Variants in MTA1 observed in about 807,000 individuals in gnomAD.
The protein encoded by MTA1 is metastasis-associated protein MTA1.
MTA1 carries 15 observed loss-of-function variants against 97.0 expected under a neutral mutation model. That is an observed-to-expected ratio of 0.15 (90% confidence interval 0.10 to 0.24). The LOEUF is 0.24. Among genes scored for constraint, MTA1 ranks in the 10% least tolerant of loss-of-function variants. The pLI is 1.00. For synonymous variants in MTA1, 435 were observed against 417.5 expected, an observed-to-expected ratio of 1.04 and a Z score of -0.51; for missense variants, 709 against 1,015.1, an observed-to-expected ratio of 0.70 and a Z score of 4.10.
intron 9 of MTA1, 126 bp downstream of exon 9, chr14:105,460,583 C>T (rs2083312247): frequency 8.4e-7 from 1 of 1,186,560 alleles, no homozygotes; most frequent in South Asian, 1.6e-5. Flanking sequence ...GAGGTGCTGT[C>T]CCACCTGGAC....
In MTA1 at chr14:105,420,029, C is replaced by A; in HGVS notation, c.-7C>A. The A allele has an allele frequency of 1.9e-6, 2 of 1,078,346 alleles. No individual in the cohort carries two copies. The highest frequency in any genetic ancestry group is 2.3e-6 in the Non-Finnish European group (2 of 882,770). 66.8% of individuals were successfully genotyped at this position (1,078,346 alleles called of 1,614,324 possible). ...CCCCGGGCCCCTCCGCCGCCGCCGGCCCGGACATGGCCGCCAACATGTACA... is the reference window on the plus strand; with the variant it reads ...CCCCGGGCCCCTCCGCCGCCGCCGGACCGGACATGGCCGCCAACATGTACA... On this transcript the variant is annotated 5_prime_UTR_variant, in exon 1 of 21. Coordinates refer to ENST00000331320, the MANE Select transcript of MTA1 (RefSeq NM_004689.4). The surrounding 1 kb of genome is among the most constrained non-coding windows in gnomAD (Gnocchi z 5.3).
At chr14:105,428,994 G>A (rs6576092) in intron 1 of MTA1, among the ~76,000 whole-genome samples, 97,599 of 152,120 alleles carry the variant, frequency 0.64, 34,897 homozygotes, top group Non-Finnish European at 0.81. Context: ...AAAATGCTGG[G>A]ATTACAGGCA....
intron 18 of MTA1, 83 bp from the exon 19 acceptor site, chr14:105,469,384 A>C: frequency 6.7e-7 from 1 of 1,486,512 alleles, no homozygotes; most frequent in Non-Finnish European, 9.4e-7. Flanking sequence ...CCATTGTCCC[A>C]AGGTGGCTGA....
rs1254894049 is a variant in MTA1 at position 105,451,791 on chromosome 14, T to C, written c.432+1467T>C. ...TTTCTTTTTCTTTTTTTGTTTTTTT[T>C]TTTTTTTTTTTTTTTTGAGACAGAG... is the stretch of plus-strand genomic sequence containing the variant. On this transcript the variant is annotated intron_variant, in intron 6 of 20. Coordinates refer to ENST00000331320, the MANE Select transcript of MTA1 (RefSeq NM_004689.4). 9.1e-3 allele frequency among the ~76,000 whole-genome samples: 1,290 copies of C among 141,482 alleles called. 9 individuals are homozygous for C. The highest frequency in any genetic ancestry group is 0.025 in the East Asian group (122 of 4,854). 92.8% of individuals were successfully genotyped at this position (141,482 alleles called of 152,430 possible).
At chr14:105,460,322 G>C (rs1555430696) in intron 8 of MTA1, 36 bp from the exon 9 acceptor site, 1 of 1,564,646 alleles carries the variant, frequency 6.4e-7, no homozygotes, top group Admixed American at 1.9e-5. Context: ...GTCCCTGCTT[G>C]GCCGACACTG....
chr14:105,427,532 C>T (rs2082048878), intron 1 of MTA1, among the ~76,000 whole-genome samples: 1 of 152,228 alleles, frequency 6.6e-6, no homozygotes, highest in East Asian at 1.9e-4. Context: ...AGTTCTTTGA[C>T]AGAAACGTAA....
chr14:105,432,281 C>T (rs1399895491), intron 1 of MTA1, among the ~76,000 whole-genome samples: 1 of 152,164 alleles, frequency 6.6e-6, no homozygotes, highest in Non-Finnish European at 1.5e-5. Context: ...TGCTCTGTCA[C>T]CCAGGCTGGA....
In MTA1 at chr14:105,463,253, C is replaced by T. The variant is rs1555431471; in HGVS notation, c.1012C>T (p.Gln338Ter). 6.2e-7 allele frequency: 1 copy of T among 1,610,268 alleles called. No homozygotes were observed. The highest frequency in any genetic ancestry group is 8.5e-7 in the Non-Finnish European group (1 of 1,179,778). ...GTGGAAGACCACCGACAGATACGTG[C>T]AGCAGGTGAGCCCGCCCGCCACTCA... ...YMWKTTDRYVQQKRLKAAEAE... is the reference protein window; with the variant it reads ...YMWKTTDRYV The change falls in exon 11 of 21, where the codon CAG (glutamine) becomes TAG (stop). Residue 338 changes from glutamine to a stop codon, truncating the protein, a stop_gained. Transcript: ENST00000331320. LOFTEE classifies it high-confidence loss of function. The surrounding 1 kb of genome is among the most constrained non-coding windows in gnomAD (Gnocchi z 5.9).
At chr14:105,449,250 G>C in intron 3 of MTA1, 109 bp from the exon 4 acceptor site, 1 of 1,181,646 alleles carries the variant, frequency 8.5e-7, no homozygotes, top group Non-Finnish European at 1.2e-6. Flanking sequence ...TGCGGCCCCC[G>C]TTCTGCCCTG....
chr14:105,436,259 G>T (rs1023844875), intron 1 of MTA1, among the ~76,000 whole-genome samples: 3 of 152,190 alleles, frequency 2.0e-5, no homozygotes, highest in Non-Finnish European at 2.9e-5. Context: ...GGCAACAAGA[G>T]CGAAACTTCA....
chr14:105,460,345 C>A lies in MTA1; in HGVS notation c.654-13C>A. The A allele has an allele frequency of 2.5e-6, 4 of 1,602,112 alleles. No homozygotes were observed. Among genetic ancestry groups the A allele is most frequent in the Non-Finnish European group, 3.4e-6 (4 of 1,174,344 alleles). On this transcript the variant is annotated splice_polypyrimidine_tract_variant and intron_variant, in intron 8 of 20. Transcript: ENST00000331320. Reference sequence around the variant, plus strand: ...TTGGCCGACACTGTGGTCAGCGCATCTCCTTTCCCCAGCTCTGTGGGCACC... The same window carrying A: ...TTGGCCGACACTGTGGTCAGCGCATATCCTTTCCCCAGCTCTGTGGGCACC...
intron 6 of MTA1, among the ~76,000 whole-genome samples, chr14:105,451,824 C>T (rs1555428799): frequency 8.1e-6 from 1 of 123,980 alleles, no homozygotes; most frequent in African/African-American, 3.3e-5. Flanking sequence ...GAGTTTCGCT[C>T]TTGTTGCCCA....
rs2083794560 is a variant in MTA1 at position 105,470,441 on chromosome 14, G to C, written c.*226G>C. On this transcript the variant is annotated 3_prime_UTR_variant, in exon 21 of 21. Transcript: ENST00000331320. ...TTTTTAGCTTTGTGTTTACTTTTTG[G>C]CTGGAGCGGAGATGAGGGGCCACCC... is the stretch of plus-strand genomic sequence containing the variant. 4.2e-6 allele frequency: 2 copies of C among 477,168 alleles called. No individual in the cohort carries two copies. The highest frequency in any genetic ancestry group is 4.2e-5 in the African/African-American group (2 of 47,540). 29.6% of individuals were successfully genotyped at this position (477,168 alleles called of 1,614,324 possible). A position where few individuals can be genotyped will look rare whatever the true frequency, so the allele number is the denominator to read the frequency against.
At chr14:105,452,156 G>T (rs1463811292) in intron 6 of MTA1, among the ~76,000 whole-genome samples, 1 of 152,180 alleles carries the variant, frequency 6.6e-6, no homozygotes, top group Non-Finnish European at 1.5e-5. Context: ...AATGTAACAG[G>T]CTCAGGGTGA....
chr14:105,460,219 C>T (rs1383508811), intron 8 of MTA1, 139 bp from the exon 9 acceptor site: 3 of 681,030 alleles, frequency 4.4e-6, no homozygotes, highest in East Asian at 2.9e-5. Flanking sequence ...GGCCCCTGGT[C>T]CCTGGCACCT....
At chr14:105,433,472 A>G (rs77776667) in intron 1 of MTA1, among the ~76,000 whole-genome samples, 6,972 of 152,228 alleles carry the variant, frequency 0.046, 561 homozygotes, top group African/African-American at 0.16. Context: ...GGCAGGCAGG[A>G]TGCTCCAAGA....
chr14:105,464,710 C>A lies in MTA1; in HGVS notation c.1381C>A (p.Pro461Thr). The A allele has an allele frequency of 6.2e-7, 1 of 1,606,912 alleles. No individual in the cohort carries two copies. The highest frequency in any genetic ancestry group is 1.1e-5 in the South Asian group (1 of 90,866). The change falls in exon 15 of 21, where the codon CCC becomes ACC. Residue 461 changes from proline (P) to threonine (T), a missense_variant. Coordinates refer to ENST00000331320, the MANE Select transcript of MTA1 (RefSeq NM_004689.4). ...HGLPARSSGSPKFAMKTRQAF... is the reference protein window; with the variant it reads ...HGLPARSSGSTKFAMKTRQAF... ...CCTCCCAGCCCGGAGCAGCGGGAGC[C>A]CCAAGTTTGCCATGAAGACCAGGCA...
rs587689277 is a variant in MTA1 at position 105,458,539 on chromosome 14, G to A, written c.653+167G>A. Among the ~76,000 whole-genome samples, 19 of 152,268 alleles carry A rather than the reference G, an allele frequency of 1.2e-4. 1 individual carries two copies. The South Asian group carries it at 2.5e-3, about 20-fold the overall frequency. ...CCGGTAGCAGTTCCCAGAGAGGCTCGGGAGTGCTGGGTCCAGGCCCTTCAT... is the reference window on the plus strand; with the variant it reads ...CCGGTAGCAGTTCCCAGAGAGGCTCAGGAGTGCTGGGTCCAGGCCCTTCAT... On this transcript the variant is annotated intron_variant, in intron 8 of 20. Transcript: ENST00000331320.
At chr14:105,439,546 C>T (rs1042311549) in intron 2 of MTA1, among the ~76,000 whole-genome samples, 3 of 152,156 alleles carry the variant, frequency 2.0e-5, no homozygotes, top group African/African-American at 7.2e-5. Context: ...GGAGCCTTCT[C>T]GCTGTCCTCA....
Sources: gnomAD v4.1 joint callset for allele counts (sites outside exome capture counted in the v4.1 genomes callset) on GRCh38, gnomAD v4.1.1 for gene constraint, Gnocchi (gnomAD v3.1) non-coding constraint, MANE v1.5 for transcripts, NCBI Gene and HGNC (gene_info 2026-07-23, HGNC 2026-07-21) for gene names.